Variants in LRRTM4 observed in about 807,000 individuals in gnomAD.
LRRTM4 encodes leucine-rich repeat transmembrane neuronal protein 4.
LRRTM4 carries 25 observed loss-of-function variants against 47.6 expected under a neutral mutation model. That is an observed-to-expected ratio of 0.53 (90% CI 0.38 to 0.73). LRRTM4 has a LOEUF of 0.73. Ranked by LOEUF, LRRTM4 falls within the 30% of genes least tolerant of loss-of-function variation. The pLI, the probability that LRRTM4 is intolerant of heterozygous loss-of-function variation, is 0.00. For missense variants in LRRTM4, 638 were observed against 713.4 expected, an observed-to-expected ratio of 0.89 and a Z score of 1.20; for synonymous variants, 311 against 269.5, an observed-to-expected ratio of 1.15 and a Z score of -1.51.
chr2:76,774,176 A>T (rs931515002), intron 3 of LRRTM4, among the ~76,000 whole-genome samples: 1 of 144,442 alleles, frequency 6.9e-6, no homozygotes, highest in Non-Finnish European at 1.5e-5. Context: ...AAGAAAAGGG[A>T]ACTTTTTTTT....
chr2:77,102,418 T>C (rs1670978824), intron 3 of LRRTM4, among the ~76,000 whole-genome samples: 1 of 152,198 alleles, frequency 6.6e-6, no homozygotes, highest in African/African-American at 2.4e-5. Flanking sequence ...TACTTCAGAG[T>C]TCTTTTTCTG....
At chr2:76,979,575 T>G (rs7605398) in intron 3 of LRRTM4, among the ~76,000 whole-genome samples, 81,038 of 140,376 alleles carry the variant, frequency 0.58, 24,295 homozygotes, top group East Asian at 0.73. Context: ...TATATATATA[T>G]AGAGAGAGGA....
At chr2:77,094,212 A>G (rs1670744324) in intron 3 of LRRTM4, among the ~76,000 whole-genome samples, 1 of 152,242 alleles carries the variant, frequency 6.6e-6, no homozygotes, top group Admixed American at 6.5e-5. Flanking sequence ...AATACATAGG[A>G]GTAAATTTAA....
intron 3 of LRRTM4, among the ~76,000 whole-genome samples, chr2:76,946,150 G>C (rs1037759394): frequency 5.3e-5 from 8 of 151,828 alleles, no homozygotes; most frequent in African/African-American, 1.9e-4. Flanking sequence ...AAAGAAGGTA[G>C]AAATCCTTCT....
intron 3 of LRRTM4, among the ~76,000 whole-genome samples, chr2:77,106,420 T>C (rs1162827889): frequency 6.6e-6 from 1 of 152,158 alleles, no homozygotes; most frequent in Non-Finnish European, 1.5e-5. Context: ...TTGTATCACA[T>C]GTTGTCATAA....
At chr2:76,932,970 G>C (rs757995134) in intron 3 of LRRTM4, among the ~76,000 whole-genome samples, 12 of 152,018 alleles carry the variant, frequency 7.9e-5, no homozygotes, top group Non-Finnish European at 1.6e-4. Context: ...CATTAGGTAT[G>C]AAATGATAAA....
chr2:77,163,479 C>T (rs1036206671), intron 3 of LRRTM4, among the ~76,000 whole-genome samples: 16 of 152,062 alleles, frequency 1.1e-4, no homozygotes, highest in South Asian at 2.1e-4. Flanking sequence ...TAGAGAACTC[C>T]ACAAAGATAC....
intron 3 of LRRTM4, among the ~76,000 whole-genome samples, chr2:77,055,775 G>T (rs1024204875): frequency 2.0e-5 from 3 of 151,772 alleles, no homozygotes; most frequent in Non-Finnish European, 4.4e-5. Flanking sequence ...CAATAGCAAA[G>T]ACTTGGAACC....
intron 3 of LRRTM4, among the ~76,000 whole-genome samples, chr2:77,397,912 G>T (rs1187819295): frequency 6.6e-6 from 1 of 151,668 alleles, no homozygotes; most frequent in Non-Finnish European, 1.5e-5. Context: ...CCCTTCATTA[G>T]GTGAGTCAAA....
intron 3 of LRRTM4, among the ~76,000 whole-genome samples, chr2:77,105,804 T>C (rs1251399344): frequency 2.0e-5 from 3 of 152,238 alleles, no homozygotes; most frequent in Non-Finnish European, 2.9e-5. Context: ...GAAAATTCTT[T>C]AAAATAATGA....
At chr2:76,862,668 T>C (rs1231131777) in intron 3 of LRRTM4, among the ~76,000 whole-genome samples, 1 of 152,208 alleles carries the variant, frequency 6.6e-6, no homozygotes, top group Non-Finnish European at 1.5e-5. Context: ...CACAGTGATA[T>C]GCATAAAATA....
chr2:76,987,024 C>A (rs1573407618), intron 3 of LRRTM4, among the ~76,000 whole-genome samples: 1 of 151,654 alleles, frequency 6.6e-6, no homozygotes, highest in African/African-American at 2.4e-5. Context: ...ATAAAGTATT[C>A]TTTTATTTAT....
chr2:77,347,830 C>T (rs1313593033), intron 3 of LRRTM4, among the ~76,000 whole-genome samples: 3 of 151,994 alleles, frequency 2.0e-5, no homozygotes, highest in African/African-American at 7.2e-5. Context: ...CATAAATCAT[C>T]AAATAATATG....
chr2:77,353,343 G>A (rs115343648), intron 3 of LRRTM4, among the ~76,000 whole-genome samples: 4,383 of 152,162 alleles, frequency 0.029, 95 homozygotes, highest in African/African-American at 0.062. Flanking sequence ...ACTGCCTGTG[G>A]GGTAGCCCTG....
chr2:77,277,617 T>G (rs1335401445), intron 3 of LRRTM4, among the ~76,000 whole-genome samples: 2 of 151,994 alleles, frequency 1.3e-5, no homozygotes, highest in African/African-American at 4.8e-5. Context: ...GAATGGTAAT[T>G]TGGATAATTT....
intron 3 of LRRTM4, among the ~76,000 whole-genome samples, chr2:77,243,397 C>G (rs978602501): frequency 1.1e-4 from 14 of 122,848 alleles, no homozygotes; most frequent in Non-Finnish European, 3.3e-5. Context: ...GCAACGAGAG[C>G]GAAACTCCGT....
intron 3 of LRRTM4, among the ~76,000 whole-genome samples, chr2:77,230,845 A>C (rs188935722): frequency 5.1e-4 from 77 of 152,280 alleles, no homozygotes; most frequent in African/African-American, 1.8e-3. Flanking sequence ...TCACTTTAAC[A>C]ATAAGAAAAA....
chr2:76,873,453 ATATAT>A (rs1672685548), intron 3 of LRRTM4, among the ~76,000 whole-genome samples: 2 of 143,662 alleles, frequency 1.4e-5, no homozygotes, highest in African/African-American at 5.4e-5. Flanking sequence ...GTGTGTATAT[ATATAT>A]AACGTGTGTG....
At chr2:76,846,540 ATCTTT>A (rs1671842713) in intron 3 of LRRTM4, among the ~76,000 whole-genome samples, 1 of 152,164 alleles carries the variant, frequency 6.6e-6, no homozygotes. Context: ...CTAGCTATCT[ATCTTT>A]TATCTACCAT....
Sources: allele counts gnomAD v4.1 joint callset (sites outside exome capture counted in the v4.1 genomes callset), GRCh38; gene constraint gnomAD v4.1.1; transcripts MANE v1.5; gene names NCBI Gene and HGNC (gene_info 2026-07-23, HGNC 2026-07-21).